CNTN4: variants seen among roughly 807,000 people sequenced by gnomAD.
The protein encoded by CNTN4 is contactin-4.
In CNTN4, 77 loss-of-function variants were observed where a neutral mutation model predicts 122.5. That is an observed-to-expected ratio of 0.63 (90% CI 0.52 to 0.76). CNTN4 has a LOEUF of 0.76. Among genes scored for constraint, CNTN4 ranks in the 30% least tolerant of loss-of-function variants. The probability of loss-of-function intolerance (pLI) is 0.00; values close to 1 mark genes in which losing one functional copy is unlikely to be tolerated. For missense variants in CNTN4, 1,256 were observed against 1,259.1 expected (o/e 1.00, Z 0.04); for synonymous variants, 512 against 447.0 (o/e 1.15, Z -1.83).
chr3:2,305,984 G>C (rs1213334691), intron 2 of CNTN4, among the ~76,000 whole-genome samples: 1 of 152,128 alleles, frequency 6.6e-6, no homozygotes, highest in African/African-American at 2.4e-5. Flanking sequence ...TTTTATGGCT[G>C]AGTTATATTT....
At chr3:2,561,015 G>C (rs1023206438) in intron 3 of CNTN4, among the ~76,000 whole-genome samples, 2 of 152,198 alleles carry the variant, frequency 1.3e-5, no homozygotes, top group African/African-American at 2.4e-5. Flanking sequence ...TGATGTGGCT[G>C]TCCGAGCAAT....
At chr3:2,628,499 G>T (rs1165440785) in intron 4 of CNTN4, among the ~76,000 whole-genome samples, 1 of 152,190 alleles carries the variant, frequency 6.6e-6, no homozygotes, top group Non-Finnish European at 1.5e-5. Flanking sequence ...GAATGCAGTG[G>T]ATATCTGATG....
chr3:2,456,174 T>G lies in CNTN4; in HGVS notation c.-88-115242T>G, dbSNP rs558181119. 4.7e-4 allele frequency among the ~76,000 whole-genome samples: 71 copies of G among 152,104 alleles called. 2 individuals are homozygous for G. In the South Asian group the frequency reaches 0.014, roughly 30 times the overall value. On this transcript the variant is annotated intron_variant, in intron 3 of 24. Coordinates refer to ENST00000418658, the MANE Select transcript of CNTN4 (RefSeq NM_175607.3). The stretch of plus-strand genomic sequence containing the variant: ...CTTCCTGAATCTGAATCTCATGATC[T>G]TTTACCATACAAACTTGCCTGAATG...
intron 2 of CNTN4, among the ~76,000 whole-genome samples, chr3:2,124,463 C>CACACA (rs2034004317): frequency 6.7e-6 from 1 of 149,014 alleles, no homozygotes; most frequent in South Asian, 2.2e-4. Context: ...CACACACACA[C>CACACA]ACACACACAC....
intron 13 of CNTN4, among the ~76,000 whole-genome samples, chr3:2,946,315 G>A (rs9842361): frequency 0.6 from 90,597 of 151,990 alleles, 28,036 homozygotes; most frequent in African/African-American, 0.75. Flanking sequence ...TCTGTCATGC[G>A]TGGCTTTCCA....
At chr3:2,678,653 A>C (rs1157979148) in intron 4 of CNTN4, among the ~76,000 whole-genome samples, 1 of 152,152 alleles carries the variant, frequency 6.6e-6, no homozygotes, top group East Asian at 1.9e-4. Flanking sequence ...ATTTTCTAGG[A>C]TTCCTCAGGC....
At chr3:3,019,747 T>G (rs530963004) in intron 14 of CNTN4, among the ~76,000 whole-genome samples, 102 of 141,672 alleles carry the variant, frequency 7.2e-4, no homozygotes, top group Non-Finnish European at 1.4e-3. Context: ...GGAGAAGGGG[T>G]GTGTGTGTGT....
At chr3:3,026,308 C>A (rs1379716598) in intron 15 of CNTN4, 31 bp downstream of exon 15, 3 of 1,591,750 alleles carry the variant, frequency 1.9e-6, no homozygotes, top group Non-Finnish European at 2.6e-6. Flanking sequence ...CTGACTCAAA[C>A]TAACTTGTTT....
intron 4 of CNTN4, among the ~76,000 whole-genome samples, chr3:2,605,253 G>T (rs1189692124): frequency 6.6e-6 from 1 of 152,168 alleles, no homozygotes; most frequent in Non-Finnish European, 1.5e-5. Context: ...CCCGAGTTGG[G>T]ATTACAGGCG....
intron 4 of CNTN4, among the ~76,000 whole-genome samples, chr3:2,645,606 A>C (rs1214725934): frequency 2.0e-5 from 3 of 152,312 alleles, no homozygotes; most frequent in South Asian, 2.1e-4. Context: ...AAGGCCTCAA[A>C]ATTTTCTTTG....
intron 7 of CNTN4, among the ~76,000 whole-genome samples, chr3:2,859,265 C>T (rs1247082160): frequency 6.6e-6 from 1 of 152,168 alleles, no homozygotes; most frequent in Non-Finnish European, 1.5e-5. Context: ...AGATACTATT[C>T]CACTGTGTAT....
chr3:2,727,090 C>A (rs887019970), intron 4 of CNTN4, among the ~76,000 whole-genome samples: 6 of 152,168 alleles, frequency 3.9e-5, no homozygotes, highest in Non-Finnish European at 7.3e-5. Context: ...GCTTTGCACA[C>A]GGTTATGTCG....
chr3:2,866,923 C>G lies in CNTN4; in HGVS notation c.626C>G (p.Pro209Arg), dbSNP rs1242815352. ...ACAAACCACAAGGTCCTGGGGCCAC[C>G]TACACCACTAATATTGAGAAATGAT... ...TVTNHKVLGP[P>R]TPLILRNDGV... The change falls in exon 8 of 25, where the codon CCT becomes CGT. Residue 209 changes from proline (P) to arginine (R), a missense_variant. Pro to Arg is a moderately radical substitution (Grantham distance 103). Coordinates refer to ENST00000418658, the MANE Select transcript of CNTN4 (RefSeq NM_175607.3). The G allele has an allele frequency of 6.2e-6, 10 of 1,613,832 alleles. No homozygotes were observed. Among genetic ancestry groups the G allele is most frequent in the South Asian group, 1.1e-5 (1 of 91,082 alleles).
chr3:2,773,523 A>G (rs1215051513), intron 6 of CNTN4, among the ~76,000 whole-genome samples: 1 of 152,114 alleles, frequency 6.6e-6, no homozygotes, highest in Non-Finnish European at 1.5e-5. Flanking sequence ...CAACTGGAGG[A>G]AGACCTCAGA....
intron 4 of CNTN4, among the ~76,000 whole-genome samples, chr3:2,699,650 G>T (rs143719507): frequency 1.3e-5 from 2 of 152,278 alleles, no homozygotes; most frequent in African/African-American, 4.8e-5. Flanking sequence ...TATGCTTCAG[G>T]TGAATTTCAG....
intron 4 of CNTN4, among the ~76,000 whole-genome samples, chr3:2,715,881 A>G (rs2087465540): frequency 6.6e-6 from 1 of 152,238 alleles, no homozygotes; most frequent in Non-Finnish European, 1.5e-5. Context: ...ACTGGGGGTC[A>G]GGATAGCAAC....
chr3:2,163,785 C>G (rs939558852), intron 2 of CNTN4, among the ~76,000 whole-genome samples: 1 of 151,968 alleles, frequency 6.6e-6, no homozygotes, highest in Non-Finnish European at 1.5e-5. Flanking sequence ...CAAAATAAAA[C>G]CATAACGAGA....
intron 2 of CNTN4, among the ~76,000 whole-genome samples, chr3:2,260,636 C>T (rs139687279): frequency 1.3e-3 from 193 of 152,156 alleles, no homozygotes; most frequent in African/African-American, 4.3e-3. Context: ...TGTATTTTTC[C>T]AAGCAAATAT....
At chr3:2,962,126 G>A (rs1454347119) in intron 13 of CNTN4, among the ~76,000 whole-genome samples, 1 of 152,176 alleles carries the variant, frequency 6.6e-6, no homozygotes, top group East Asian at 1.9e-4. Flanking sequence ...TATGATTTTT[G>A]AATTCCCTCC....
Sources: allele counts gnomAD v4.1 joint callset (sites outside exome capture counted in the v4.1 genomes callset), GRCh38; gene constraint gnomAD v4.1.1; transcripts MANE v1.5; gene names NCBI Gene and HGNC (gene_info 2026-07-23, HGNC 2026-07-21).